The following ANK2 variants were observed in gnomAD, a reference collection of about 807,000 sequenced individuals.
ANK2 encodes the protein ankyrin-2.
Under a neutral mutation model 360.5 loss-of-function variants are expected in ANK2, and 83 were observed. The ratio of observed to expected loss-of-function variants is 0.23; its 90% confidence interval spans 0.19 to 0.28. The LOEUF is 0.28. Ranked by LOEUF, ANK2 falls within the 10% of genes least tolerant of loss-of-function variation. ANK2 has a pLI of 1.00. For synonymous variants in ANK2, 1,740 were observed against 1,759.5 expected, an observed-to-expected ratio of 0.99 and a Z score of 0.28; for missense variants, 4,201 against 4,795.7, an observed-to-expected ratio of 0.88 and a Z score of 3.66.
chr4:113,129,159 A>C (rs918363834), intron 1 of ANK2, among the ~76,000 whole-genome samples: 5 of 152,232 alleles, frequency 3.3e-5, no homozygotes, highest in Non-Finnish European at 7.3e-5. Flanking sequence ...AGAAATAAAT[A>C]ATTGAATAAA....
intron 4 of ANK2, among the ~76,000 whole-genome samples, chr4:113,204,788 C>T (rs1422980071): frequency 6.6e-6 from 1 of 152,120 alleles, no homozygotes; most frequent in Non-Finnish European, 1.5e-5. Context: ...CTTGCCTAGG[C>T]GCTTAGATGC....
upstream of ANK2, among the ~76,000 whole-genome samples, chr4:112,816,748 C>T (rs184263511): frequency 2.0e-5 from 3 of 152,320 alleles, no homozygotes; most frequent in Admixed American, 6.5e-5. Flanking sequence ...CAGTGGCTCA[C>T]GCCTGTAATC....
intron 24 of ANK2, among the ~76,000 whole-genome samples, chr4:113,316,958 G>A: frequency 6.6e-6 from 1 of 152,186 alleles, no homozygotes; most frequent in East Asian, 1.9e-4. Flanking sequence ...TTCTGGGCTG[G>A]AGCTTAGATA....
chr4:113,236,705 G>A (rs541658522), intron 5 of ANK2, among the ~76,000 whole-genome samples: 2 of 152,004 alleles, frequency 1.3e-5, no homozygotes, highest in South Asian at 4.1e-4. Flanking sequence ...TTTATTTTTC[G>A]ATTGCAACCA....
At chr4:112,965,692 T>C (rs1382914649) in intron 2 of ANK2, among the ~76,000 whole-genome samples, 2 of 152,176 alleles carry the variant, frequency 1.3e-5, no homozygotes, top group Admixed American at 6.5e-5. Flanking sequence ...CATATTGATA[T>C]CCAGTTTTCC....
At chr4:112,779,334 C>T in the ANK2 span, among the ~76,000 whole-genome samples, 2 of 151,944 alleles carry the variant, frequency 1.3e-5, no homozygotes, top group African/African-American at 2.4e-5. Flanking sequence ...GTGGCTAACA[C>T]GGTGAAACCC....
intron 2 of ANK2, among the ~76,000 whole-genome samples, chr4:112,970,130 C>T (rs1255249752): frequency 1.3e-5 from 2 of 149,542 alleles, no homozygotes; most frequent in African/African-American, 4.9e-5. Context: ...ATTACAGGCG[C>T]CTGCCACCAC....
intron 22 of ANK2, among the ~76,000 whole-genome samples, chr4:113,297,214 G>A (rs2072113833): frequency 6.6e-6 from 1 of 152,154 alleles, no homozygotes; most frequent in Non-Finnish European, 1.5e-5. Context: ...AACTAGAGAA[G>A]TGGATTTGGA....
chr4:113,127,697 G>C (rs1406525774), intron 1 of ANK2, among the ~76,000 whole-genome samples: 1 of 152,036 alleles, frequency 6.6e-6, no homozygotes, highest in Non-Finnish European at 1.5e-5. Context: ...AATAAAGTTG[G>C]AGCACTTACA....
intron 2 of ANK2, among the ~76,000 whole-genome samples, chr4:112,914,146 T>C (rs2151065594): frequency 6.6e-6 from 1 of 152,306 alleles, no homozygotes; most frequent in African/African-American, 2.4e-5. Flanking sequence ...AATCCACCTG[T>C]CTGACTCCAA....
chr4:112,761,781 A>G, the ANK2 span, among the ~76,000 whole-genome samples: 12 of 152,220 alleles, frequency 7.9e-5, no homozygotes, highest in Non-Finnish European at 1.6e-4. Flanking sequence ...ATACTGTTGC[A>G]TGAAAAATAC....
intron 1 of ANK2, 50 bp downstream of exon 1, chr4:113,049,862 C>T (rs2066140514): frequency 6.3e-7 from 1 of 1,591,986 alleles, no homozygotes; most frequent in Non-Finnish European, 8.6e-7. Context: ...TATGTGTGTG[C>T]ATGTGTGAGT....
chr4:112,793,423 G>A, the ANK2 span, among the ~76,000 whole-genome samples: 2 of 152,028 alleles, frequency 1.3e-5, no homozygotes, highest in East Asian at 1.9e-4. Context: ...TGATACTAAG[G>A]CATATTAGTT....
At chr4:113,362,964 G>T (rs962695934) in intron 39 of ANK2, among the ~76,000 whole-genome samples, 1 of 152,110 alleles carries the variant, frequency 6.6e-6, no homozygotes, top group African/African-American at 2.4e-5. Context: ...TAATTAAAGG[G>T]AGAAACTTTT....
At chr4:113,259,436 G>A (rs2051343596) in intron 13 of ANK2, among the ~76,000 whole-genome samples, 3 of 152,030 alleles carry the variant, frequency 2.0e-5, no homozygotes, top group Admixed American at 2.0e-4. Context: ...CTTTTTATTT[G>A]TATTCTCTCT....
At chr4:112,755,370 C>T in the ANK2 span, among the ~76,000 whole-genome samples, 1 of 152,172 alleles carries the variant, frequency 6.6e-6, no homozygotes, top group African/African-American at 2.4e-5. Flanking sequence ...GTGAAGAGAC[C>T]ACCAAACAGG....
intron 1 of ANK2, among the ~76,000 whole-genome samples, chr4:112,852,583 G>A (rs923094457): frequency 6.6e-5 from 10 of 152,134 alleles, no homozygotes; most frequent in African/African-American, 2.4e-4. Flanking sequence ...TAATATGTTT[G>A]AAGTTAAATA....
chr4:113,166,373 A>G (rs1215174198), intron 1 of ANK2, among the ~76,000 whole-genome samples: 1 of 152,050 alleles, frequency 6.6e-6, no homozygotes, highest in Non-Finnish European at 1.5e-5. Context: ...TACAGATTTC[A>G]CATTTCTTCA....
chr4:113,311,423 ATG>A, intron 24 of ANK2, 24 bp downstream of exon 24: 1 of 1,613,580 alleles, frequency 6.2e-7, no homozygotes, highest in Non-Finnish European at 8.5e-7. Flanking sequence ...CTTATAATTG[ATG>A]TCAGCCAGAA....
Sources: gnomAD v4.1 joint callset for allele counts (sites outside exome capture counted in the v4.1 genomes callset) on GRCh38, gnomAD v4.1.1 for gene constraint, MANE v1.5 for transcripts, NCBI Gene and HGNC (gene_info 2026-07-23, HGNC 2026-07-21) for gene names.